Variants in ITK observed in about 807,000 individuals in gnomAD.
ITK encodes tyrosine-protein kinase ITK/TSK.
In ITK, 45 loss-of-function variants were observed where a neutral mutation model predicts 87.6. That is an observed-to-expected ratio of 0.51 (90% CI 0.40 to 0.66). The LOEUF (loss-of-function observed/expected upper bound fraction) is 0.66, where lower values mean the gene tolerates loss of function less well. ITK is among the 30% of genes least tolerant of loss of function. The probability of loss-of-function intolerance (pLI) is 0.00; values close to 1 mark genes in which losing one functional copy is unlikely to be tolerated. For missense variants in ITK, 605 were observed against 766.3 expected, an observed-to-expected ratio of 0.79 and a Z score of 2.48; for synonymous variants, 303 against 273.6, an observed-to-expected ratio of 1.11 and a Z score of -1.06.
intron 7 of ITK, 128 bp from the exon 8 acceptor site, chr5:157,232,212 A>G (rs1051688626): frequency 1.4e-6 from 1 of 692,840 alleles, no homozygotes; most frequent in African/African-American, 1.8e-5. Flanking sequence ...AATAAAATAC[A>G]CTTAAAATTT....
At chr5:157,212,799 C>A (rs1561653864) in intron 3 of ITK, among the ~76,000 whole-genome samples, 1 of 151,736 alleles carries the variant, frequency 6.6e-6, no homozygotes. Flanking sequence ...CTGCAGTGAG[C>A]CAAGTGAGCC....
chr5:157,215,788 A>T (rs976899399), intron 4 of ITK, among the ~76,000 whole-genome samples: 9 of 152,348 alleles, frequency 5.9e-5, no homozygotes, highest in Admixed American at 4.6e-4. Context: ...GGATGAAATA[A>T]TACCTAAGCC....
intron 1 of ITK, among the ~76,000 whole-genome samples, chr5:157,203,638 GC>G (rs1372021787): frequency 6.6e-6 from 1 of 152,204 alleles, no homozygotes; most frequent in Non-Finnish European, 1.5e-5. Flanking sequence ...TCTTGAAAAG[GC>G]AGCTCCGCTG....
intron 6 of ITK, among the ~76,000 whole-genome samples, chr5:157,223,562 T>C (rs78223120): frequency 6.6e-6 from 1 of 152,052 alleles, no homozygotes; most frequent in Non-Finnish European, 1.5e-5. Context: ...ACTTTCCCAC[T>C]ATGCAACTTT....
intron 1 of ITK, among the ~76,000 whole-genome samples, chr5:157,205,607 C>T (rs1435877479): frequency 6.6e-6 from 1 of 152,270 alleles, no homozygotes; most frequent in East Asian, 1.9e-4. Context: ...CAAACATAAA[C>T]ACCCAAGTAT....
intron 9 of ITK, among the ~76,000 whole-genome samples, chr5:157,239,253 G>A (rs577960901): frequency 6.6e-6 from 1 of 152,294 alleles, no homozygotes; most frequent in South Asian, 2.1e-4. Flanking sequence ...AGCAAAATCA[G>A]CAACGGGAAA....
At chr5:157,250,803 G>C (rs1463235194) in intron 16 of ITK, among the ~76,000 whole-genome samples, 1 of 151,764 alleles carries the variant, frequency 6.6e-6, no homozygotes, top group East Asian at 1.9e-4. Context: ...CAGGCAGACT[G>C]GTTTCCTTCA....
chr5:157,200,456 G>C (rs919435277), intron 1 of ITK, among the ~76,000 whole-genome samples: 1 of 152,182 alleles, frequency 6.6e-6, no homozygotes, highest in South Asian at 2.1e-4. Context: ...TAGCACAGTT[G>C]TTTGGGATGA....
intron 8 of ITK, among the ~76,000 whole-genome samples, chr5:157,233,949 ATATATATATATATATTTTTTTTTTTTTTT>A (rs1754715701): frequency 5.2e-5 from 1 of 19,200 alleles, no homozygotes; most frequent in Non-Finnish European, 9.8e-5. Flanking sequence ...ATATATATAT[ATATATATATATATATTTTTTTTTTTTTTT>A]TTTTTTTTTT....
intron 15 of ITK, among the ~76,000 whole-genome samples, chr5:157,247,938 T>A (rs371891983): frequency 1.3e-5 from 2 of 152,218 alleles, no homozygotes; most frequent in East Asian, 1.9e-4. Flanking sequence ...AAAAAAATTT[T>A]CACTAAAAAT....
intron 4 of ITK, 68 bp from the exon 5 acceptor site, chr5:157,217,784 GAAAAACCCCCTGGCT>G: frequency 7.8e-7 from 1 of 1,284,578 alleles, no homozygotes; most frequent in Non-Finnish European, 1.1e-6. Flanking sequence ...CTTTTTCTCA[GAAAAACCCCCTGGCT>G]GCTCACTTCC....
intron 12 of ITK, 127 bp downstream of exon 12, chr5:157,243,921 G>C: frequency 1.2e-6 from 1 of 866,488 alleles, no homozygotes; most frequent in Non-Finnish European, 1.9e-6. Flanking sequence ...GCTTCCTATT[G>C]CACAGAGAAT....
Position 157,245,826 on chromosome 5 carries a change from A to G in ITK, c.1514+36A>G, listed in dbSNP as rs372443448. The G allele has an allele frequency of 9.5e-5, 152 of 1,607,418 alleles. 1 individual carries two copies. The highest frequency in any genetic ancestry group is 6.8e-4 in the South Asian group (62 of 90,938). ...GATGTGGTGCCGGTGAAGTCTCAGGAATGGGACTGAGGCCCCCGGAACATT... is the reference window on the plus strand; with the variant it reads ...GATGTGGTGCCGGTGAAGTCTCAGGGATGGGACTGAGGCCCCCGGAACATT... On this transcript the variant is annotated intron_variant, in intron 14 of 16. Transcript: ENST00000422843.
At chr5:157,211,187 G>A (rs910817427) in intron 2 of ITK, 100 bp from the exon 3 acceptor site, 17 of 957,064 alleles carry the variant, frequency 1.8e-5, no homozygotes, top group South Asian at 7.7e-5. Flanking sequence ...CCTATATGAC[G>A]ATAAACACCC....
At chr5:157,245,453 C>G in intron 13 of ITK, 1 of 538,628 alleles carries the variant, frequency 1.9e-6, no homozygotes, top group South Asian at 2.0e-5. Context: ...GCATTAGAGC[C>G]TATCTTTGGT....
chr5:157,249,630 T>C (rs941021564), intron 16 of ITK, among the ~76,000 whole-genome samples: 1 of 152,240 alleles, frequency 6.6e-6, no homozygotes, highest in Non-Finnish European at 1.5e-5. Flanking sequence ...CTGATCATTG[T>C]ACGACAACAA....
At chr5:157,197,076 A>T (rs31225) in intron 1 of ITK, among the ~76,000 whole-genome samples, 81,714 of 152,052 alleles carry the variant, frequency 0.54, 22,426 homozygotes, top group African/African-American at 0.65. Context: ...TGTTACCTTG[A>T]TCTAGTAAGA....
At chr5:157,226,087 G>T (rs953527678) in intron 6 of ITK, among the ~76,000 whole-genome samples, 5 of 152,142 alleles carry the variant, frequency 3.3e-5, no homozygotes, top group African/African-American at 4.8e-5. Context: ...AGAGGACTTG[G>T]ACTTTATCAG....
intron 13 of ITK, chr5:157,245,097 C>A (rs112694097): frequency 1.1e-3 from 189 of 171,554 alleles, no homozygotes; most frequent in African/African-American, 4.3e-3. Context: ...TACTGGCGGG[C>A]ACCTGTAACC....
Sources: gnomAD v4.1 joint callset for allele counts (sites outside exome capture counted in the v4.1 genomes callset) on GRCh38, gnomAD v4.1.1 for gene constraint, MANE v1.5 for transcripts, NCBI Gene and HGNC (gene_info 2026-07-23, HGNC 2026-07-21) for gene names.